XPO6: variants seen among roughly 807,000 people sequenced by gnomAD.
The protein encoded by XPO6 is exportin 6, also known as exportin-6.
XPO6 carries 3 observed loss-of-function variants against 130.0 expected under a neutral mutation model. That is an observed-to-expected ratio of 0.02 (90% CI 0.01 to 0.06). XPO6 has a LOEUF of 0.06. Ranked by LOEUF, XPO6 falls within the 10% of genes least tolerant of loss-of-function variation. XPO6 has a pLI of 1.00. For missense variants in XPO6, 970 were observed against 1,393.0 expected (o/e 0.70, Z 4.83); for synonymous variants, 524 against 548.9 (o/e 0.95, Z 0.63).
At chr16:28,172,535 T>C (rs1038561572) in intron 4 of XPO6, among the ~76,000 whole-genome samples, 1 of 152,164 alleles carries the variant, frequency 6.6e-6, no homozygotes. Context: ...TAGTGTTATG[T>C]GTGTGCTGAC....
At chr16:28,190,778 G>C (rs1213632467) in intron 1 of XPO6, among the ~76,000 whole-genome samples, 1 of 152,038 alleles carries the variant, frequency 6.6e-6, no homozygotes, top group Non-Finnish European at 1.5e-5. Context: ...TATGATATAG[G>C]GCAATGGACC....
At chr16:28,148,941 G>C (rs933248065) in intron 8 of XPO6, among the ~76,000 whole-genome samples, 1 of 151,812 alleles carries the variant, frequency 6.6e-6, no homozygotes, top group Non-Finnish European at 1.5e-5. Flanking sequence ...TACTCAGGAG[G>C]CTGAGAGGTA....
In XPO6 at chr16:28,211,639, G is replaced by A; in HGVS notation, c.-271C>T. ...CAGGAAATGAGGCTCGGATGCCGGCGAGGAGGGCAGCTGCTCGGGACCCCC... is the reference window on the plus strand; with the variant it reads ...CAGGAAATGAGGCTCGGATGCCGGCAAGGAGGGCAGCTGCTCGGGACCCCC... On this transcript the variant is annotated 5_prime_UTR_variant, in exon 1 of 24. Coordinates refer to ENST00000304658, the MANE Select transcript of XPO6 (RefSeq NM_015171.4). The A allele has an allele frequency of 2.5e-6, 1 of 396,934 alleles. No individual in the cohort carries two copies. Among genetic ancestry groups the A allele is most frequent in the African/African-American group, 2.1e-5 (1 of 47,898 alleles). The allele number at this position is 396,934 out of a possible 1,614,324, so 24.6% of individuals were successfully genotyped here. A position where few individuals can be genotyped will look rare whatever the true frequency, so the allele number is the denominator to read the frequency against.
intron 15 of XPO6, among the ~76,000 whole-genome samples, chr16:28,116,147 A>G (rs1423938574): frequency 6.6e-6 from 1 of 152,232 alleles, no homozygotes; most frequent in African/African-American, 2.4e-5. Context: ...TTGCATTCAC[A>G]ACTTGGCTGT....
At chr16:28,135,016 G>A (rs2042747964) in intron 10 of XPO6, among the ~76,000 whole-genome samples, 200 bp downstream of exon 10, 1 of 152,138 alleles carries the variant, frequency 6.6e-6, no homozygotes, top group African/African-American at 2.4e-5. Context: ...AGATAAAAAA[G>A]CCTGTAAAAC....
In XPO6 at chr16:28,211,510, A is replaced by T; in HGVS notation, c.-142T>A. On this transcript the variant is annotated 5_prime_UTR_variant, in exon 1 of 24. Coordinates refer to ENST00000304658, the MANE Select transcript of XPO6 (RefSeq NM_015171.4). ...ACAACCCCTTCCCCACCGGGCCCCG[A>T]GGGGACCCTCTAAAAAGGGCAGGGC... 2.0e-6 allele frequency: 2 copies of T among 1,023,710 alleles called. No homozygotes were observed. The highest frequency in any genetic ancestry group is 2.6e-6 in the Non-Finnish European group (2 of 782,230). The allele number at this position is 1,023,710 out of a possible 1,614,324, so 63.4% of individuals were successfully genotyped here.
intron 1 of XPO6, among the ~76,000 whole-genome samples, chr16:28,186,640 G>A (rs1355002069): frequency 6.6e-6 from 1 of 150,734 alleles, no homozygotes; most frequent in African/African-American, 2.4e-5. Context: ...AAAATGCTGG[G>A]ATCACAGGTG....
In XPO6 at chr16:28,176,023, G is replaced by C; in HGVS notation, c.280C>G (p.Leu94Val). ...KMEIRSCLPK[L>V]LLAHHKTLPY... is the part of the protein sequence containing the mutation. ...AAGGTTTTATGGTGAGCCAAAAGGA[G>C]TTTGGGCAGACAGCTACGGATTTCC... The change falls in exon 4 of 24, where the codon CTC becomes GTC. Residue 94 changes from leucine to valine, a missense_variant. Leu to Val is a conservative substitution (Grantham distance 32, BLOSUM62 1). This residue lies in a region of XPO6 where 936 missense variants were observed against 1,306.8 expected (regional missense o/e 0.72). Transcript: ENST00000304658. 1 of 1,614,218 alleles carries C rather than the reference G, an allele frequency of 6.2e-7. No homozygotes were observed. The highest frequency in any genetic ancestry group is 2.2e-5 in the East Asian group (1 of 44,884).
At chr16:28,205,441 AC>A (rs1306166540) in intron 1 of XPO6, among the ~76,000 whole-genome samples, 1 of 151,998 alleles carries the variant, frequency 6.6e-6, no homozygotes, top group Admixed American at 6.6e-5. Context: ...ACTCAAATAT[AC>A]CTTCCTGGGA....
At chr16:28,181,316 T>C in intron 1 of XPO6, among the ~76,000 whole-genome samples, 1 of 152,198 alleles carries the variant, frequency 6.6e-6, no homozygotes. Flanking sequence ...AACTCTGGAA[T>C]AATGATTGAA....
At chr16:28,202,907 C>A (rs1446659804) in intron 1 of XPO6, among the ~76,000 whole-genome samples, 2 of 152,146 alleles carry the variant, frequency 1.3e-5, no homozygotes, top group African/African-American at 4.8e-5. Flanking sequence ...GTCAAATGAC[C>A]TAAGGATTGA....
intron 1 of XPO6, among the ~76,000 whole-genome samples, chr16:28,189,350 C>T (rs1193368581): frequency 6.6e-6 from 1 of 151,828 alleles, no homozygotes; most frequent in Non-Finnish European, 1.5e-5. Flanking sequence ...GCCCACTGAC[C>T]CTCCACAGTC....
chr16:28,201,749 G>A (rs138035546), intron 1 of XPO6, among the ~76,000 whole-genome samples: 33 of 152,234 alleles, frequency 2.2e-4, no homozygotes, highest in Middle Eastern at 6.8e-3. Flanking sequence ...CCAGCTACTC[G>A]GGAGGCTGAG....
chr16:28,149,068 A>T (rs576550476), intron 8 of XPO6, among the ~76,000 whole-genome samples: 1 of 150,608 alleles, frequency 6.6e-6, no homozygotes, highest in Non-Finnish European at 1.5e-5. Context: ...TAAAAAAAAA[A>T]AAAAACAAAA....
intron 1 of XPO6, among the ~76,000 whole-genome samples, chr16:28,210,186 G>A (rs1567656281): frequency 6.6e-6 from 1 of 152,166 alleles, no homozygotes; most frequent in Non-Finnish European, 1.5e-5. Flanking sequence ...GTACGGTGCT[G>A]CTCAGCATTA....
chr16:28,203,356 GT>G (rs1238044994), intron 1 of XPO6, among the ~76,000 whole-genome samples: 5 of 151,852 alleles, frequency 3.3e-5, no homozygotes, highest in African/African-American at 4.8e-5. Flanking sequence ...GGTTGAAAAA[GT>G]AGAGGTAGAG....
At chr16:28,117,116 CAGAT>C (rs1276505249) in intron 15 of XPO6, 198 bp downstream of exon 15, 11 of 596,490 alleles carry the variant, frequency 1.8e-5, no homozygotes, top group Admixed American at 6.3e-5. Context: ...ATGTGGAACT[CAGAT>C]AACTAAAAAA....
chr16:28,112,452 C>A (rs1270637709), intron 16 of XPO6, among the ~76,000 whole-genome samples: 1 of 152,202 alleles, frequency 6.6e-6, no homozygotes, highest in African/African-American at 2.4e-5. Context: ...CTCTTCAAAC[C>A]TTCCTGCCCT....
rs759299052 is a variant in XPO6, at chr16:28,146,212, C to CA, written c.1225-10dup. 3.0e-5 allele frequency: 48 copies of CA among 1,580,934 alleles called. No homozygotes were observed. Among genetic ancestry groups the CA allele is most frequent in the Non-Finnish European group, 4.0e-5 (46 of 1,152,538 alleles). Reference sequence around the variant, plus strand: ...TAACCTTCATGAGTAGGCTATGGTACAAAAAAAATCCAGACAATGAAATTA... The same window carrying CA: ...TAACCTTCATGAGTAGGCTATGGTACAAAAAAAAATCCAGACAATGAAATTA... On this transcript the variant is annotated splice_polypyrimidine_tract_variant and intron_variant, in intron 8 of 23. Transcript: ENST00000304658.
Sources: gnomAD v4.1 joint callset for allele counts (sites outside exome capture counted in the v4.1 genomes callset) on GRCh38, gnomAD v4.1.1 for gene constraint, gnomAD v4.1.1 regional missense constraint, MANE v1.5 for transcripts, NCBI Gene and HGNC (gene_info 2026-07-23, HGNC 2026-07-21) for gene names.